FAM120C: variants seen among roughly 807,000 people sequenced by gnomAD.
FAM120C encodes the protein constitutive coactivator of PPAR-gamma-like protein 2.
In FAM120C, 14 loss-of-function variants were observed where a neutral mutation model predicts 71.2. The ratio of observed to expected loss-of-function variants is 0.20; its 90% CI spans 0.13 to 0.31. The LOEUF is 0.31. Ranked by LOEUF, FAM120C falls within the 10% of genes least tolerant of loss-of-function variation. The pLI, the probability that FAM120C is intolerant of heterozygous loss-of-function variation, is 1.00. For missense variants in FAM120C, 500 were observed against 879.0 expected, an observed-to-expected ratio of 0.57 and a Z score of 5.45; for synonymous variants, 354 against 353.2, an observed-to-expected ratio of 1.00 and a Z score of -0.03.
intron 9 of FAM120C, among the ~76,000 whole-genome samples, chrX:54,118,877 A>T (rs1603356320): frequency 8.5e-5 from 3 of 35,103 alleles, no homozygotes; most frequent in African/African-American, 1.2e-4. Context: ...CCCCGACCCC[A>T]CCACAGTCCC....
At chrX:54,181,874 A>C (rs1039125568) in intron 1 of FAM120C, among the ~76,000 whole-genome samples, 3 of 112,717 alleles carry the variant, frequency 2.7e-5, no homozygotes, top group Non-Finnish European at 5.6e-5. Flanking sequence ...CATGTCTTTA[A>C]AACCCTTACA....
At chrX:54,117,950 G>A (rs991304622) in intron 9 of FAM120C, among the ~76,000 whole-genome samples, 3 of 111,504 alleles carry the variant, frequency 2.7e-5, no homozygotes, top group Non-Finnish European at 1.9e-5. Context: ...CAGGCTGGGC[G>A]TGGTGGTTCA....
At chrX:54,079,056 C>G (rs1219244841) in intron 15 of FAM120C, among the ~76,000 whole-genome samples, 1 of 107,717 alleles carries the variant, frequency 9.3e-6, no homozygotes, top group Non-Finnish European at 1.9e-5. Flanking sequence ...GTCAGGAGAT[C>G]GAGACCATCC....
At chrX:54,110,137 C>T (rs1256221488) in intron 10 of FAM120C, among the ~76,000 whole-genome samples, 2 of 105,024 alleles carry the variant, frequency 1.9e-5, no homozygotes, top group Non-Finnish European at 3.9e-5. Flanking sequence ...CTGCCTCAGC[C>T]TCCTGAGTAG....
rs782523667 is a variant in FAM120C, at chrX:54,072,046, TATAG to T, written c.*983_*986del. 2.6e-4 allele frequency: 27 copies of T among 104,511 alleles called. No homozygotes were observed. The highest frequency in any genetic ancestry group is 6.1e-4 in the East Asian group (2 of 3,275). The allele number at this position is 104,511 out of a possible 1,213,427, so 8.6% of individuals were successfully genotyped here. A position where few individuals can be genotyped will look rare whatever the true frequency, so the allele number is the denominator to read the frequency against. The stretch of plus-strand genomic sequence containing the variant: ...CACACTTACATATATATAAAATATG[TATAG>T]ATAAATAGATCTGTCTCTTTATATA... On this transcript the variant is annotated 3_prime_UTR_variant, in exon 16 of 16. Transcript: ENST00000375180.
intron 1 of FAM120C, among the ~76,000 whole-genome samples, chrX:54,170,497 T>G (rs1557135792): frequency 8.9e-6 from 1 of 111,976 alleles, no homozygotes. Context: ...AGATGAAATC[T>G]TCTGTCACAT....
In FAM120C at chrX:54,134,938, T is replaced by C. The variant is rs1479821484; in HGVS notation, c.1509A>G (p.Ala503=). ...ANWAVSYDSS[A]SQFPNYLPSK... ...AAGGCAGGTAATTGGGAAACTGGGA[T>C]GCAGAAGAGTCATAGGAGACAGCCC... is the stretch of plus-strand genomic sequence containing the variant. The change falls in exon 7 of 16, where the codon GCA becomes GCG. Residue 503 remains alanine, a synonymous_variant. Coordinates refer to ENST00000375180, the MANE Select transcript of FAM120C (RefSeq NM_017848.6). 5.0e-6 allele frequency: 6 copies of C among 1,209,538 alleles called. No individual in the cohort carries two copies. Among genetic ancestry groups the C allele is most frequent in the Non-Finnish European group, 5.6e-6 (5 of 895,170 alleles).
At chrX:54,172,050 T>G (rs1330126534) in intron 1 of FAM120C, among the ~76,000 whole-genome samples, 2 of 112,662 alleles carry the variant, frequency 1.8e-5, no homozygotes, top group Non-Finnish European at 3.7e-5. Context: ...TCAGCCAGTT[T>G]ATCTCTTGCC....
intron 1 of FAM120C, among the ~76,000 whole-genome samples, chrX:54,181,100 C>A: frequency 9.2e-6 from 1 of 109,043 alleles, no homozygotes. Context: ...AATCTAGGCA[C>A]TCTAGGCACA....
At position 54,136,425 on chromosome X, in the gene FAM120C, G is replaced by A. The variant is rs782688718; in HGVS notation, c.1258+66C>T. On this transcript the variant is annotated intron_variant, in intron 5 of 15. Transcript: ENST00000375180. Reference sequence around the variant, plus strand: ...TGAGTGATTCCACTCTGGCCCTGGAGTTCCTGAGGGACCAACTCAGTTTCC... The same window carrying A: ...TGAGTGATTCCACTCTGGCCCTGGAATTCCTGAGGGACCAACTCAGTTTCC... 865 of 787,331 alleles carry A rather than the reference G, an allele frequency of 1.1e-3. 2 individuals are homozygous for A. Among genetic ancestry groups the A allele is most frequent in the South Asian group, 3.8e-3 (177 of 46,055 alleles). The allele number at this position is 787,331 out of a possible 1,213,427, so 64.9% of individuals were successfully genotyped here. A position where few individuals can be genotyped will look rare whatever the true frequency, so the allele number is the denominator to read the frequency against.
intron 10 of FAM120C, among the ~76,000 whole-genome samples, chrX:54,107,219 C>T (rs782238054): frequency 1.1e-4 from 12 of 109,323 alleles, no homozygotes; most frequent in Non-Finnish European, 2.1e-4. Context: ...GCCTCAGCCT[C>T]CCAAATAGCT....
chrX:54,161,763 C>A (rs782024271), intron 1 of FAM120C, among the ~76,000 whole-genome samples: 4 of 112,162 alleles, frequency 3.6e-5, no homozygotes, highest in African/African-American at 1.3e-4. Context: ...TCCTGAGTAG[C>A]CGGGGCTACG....
At position 54,079,119 on chromosome X, in the gene FAM120C, G is replaced by A. The variant is rs782563310; in HGVS notation, c.3036+1113C>T. 6.4e-5 allele frequency among the ~76,000 whole-genome samples: 7 copies of A among 109,544 alleles called. No individual in the cohort carries two copies. In the South Asian group the frequency reaches 1.6e-3, roughly 25 times the overall value. On this transcript the variant is annotated intron_variant, in intron 15 of 15. Transcript: ENST00000375180. ...ACTAAAAACACACAAAAAATCAGCC[G>A]GGCGTGGTGGCGGGTGCCTGTAGTC...
At chrX:54,095,756 A>G (rs2066848176) in intron 10 of FAM120C, among the ~76,000 whole-genome samples, 1 of 110,609 alleles carries the variant, frequency 9.0e-6, no homozygotes, top group Non-Finnish European at 1.9e-5. Flanking sequence ...TCCCAAGTTC[A>G]AGCAATTCTC....
At position 54,132,876 on chromosome X, in the gene FAM120C, C is replaced by A. The variant is rs2067075198; in HGVS notation, c.1891-13G>T. Reference sequence around the variant, plus strand: ...TCTTAATTTCACCCTAACAAGAGAACATTCCAGGGAAAAGGAAAAAATGAG... The same window carrying A: ...TCTTAATTTCACCCTAACAAGAGAAAATTCCAGGGAAAAGGAAAAAATGAG... On this transcript the variant is annotated splice_polypyrimidine_tract_variant and intron_variant, in intron 8 of 15. Transcript: ENST00000375180. The A allele has an allele frequency of 8.5e-7, 1 of 1,173,241 alleles. No homozygotes were observed. The highest frequency in any genetic ancestry group is 1.1e-6 in the Non-Finnish European group (1 of 877,722).
intron 9 of FAM120C, among the ~76,000 whole-genome samples, chrX:54,130,092 G>C (rs1369791412): frequency 3.9e-5 from 3 of 76,615 alleles, no homozygotes; most frequent in Non-Finnish European, 5.1e-5. Flanking sequence ...GGGAGAGGGA[G>C]ACCGTGGGGA....
chrX:54,086,530 G>A (rs2066794946), intron 12 of FAM120C, among the ~76,000 whole-genome samples: 1 of 110,726 alleles, frequency 9.0e-6, no homozygotes, highest in Non-Finnish European at 1.9e-5. Context: ...AAGGCAGGTG[G>A]ATCACCTGAG....
chrX:54,175,372 A>C (rs1429145653), intron 1 of FAM120C, among the ~76,000 whole-genome samples: 1 of 111,104 alleles, frequency 9.0e-6, no homozygotes, highest in Non-Finnish European at 1.9e-5. Flanking sequence ...CATTGTCCTG[A>C]TAAGAAAAAT....
chrX:54,114,306 T>C (rs2066955366), intron 10 of FAM120C, among the ~76,000 whole-genome samples: 1 of 111,547 alleles, frequency 9.0e-6, no homozygotes, highest in South Asian at 3.7e-4. Context: ...ACTTAATGGG[T>C]ACAATGTACA....
Sources: allele counts gnomAD v4.1 joint callset (sites outside exome capture counted in the v4.1 genomes callset), GRCh38; gene constraint gnomAD v4.1.1; transcripts MANE v1.5; gene names NCBI Gene and HGNC (gene_info 2026-07-23, HGNC 2026-07-21).